Variants in LCLAT1 observed in about 807,000 individuals in gnomAD.
The protein encoded by LCLAT1 is 1-AGP acyltransferase 8.
LCLAT1 carries 11 observed loss-of-function variants against 30.7 expected under a neutral mutation model. The ratio of observed to expected loss-of-function variants is 0.36; its 90% CI spans 0.23 to 0.59. LCLAT1 has a LOEUF of 0.59. LCLAT1 is among the 20% of genes least tolerant of loss of function. The probability of loss-of-function intolerance (pLI) is 0.77; values close to 1 mark genes in which losing one functional copy is unlikely to be tolerated. For missense variants in LCLAT1, 402 were observed against 458.6 expected (o/e 0.88, Z 1.13); for synonymous variants, 155 against 151.3 (o/e 1.02, Z -0.18).
At chr2:30,485,215 G>A (rs1283910976) in intron 1 of LCLAT1, among the ~76,000 whole-genome samples, 1 of 152,054 alleles carries the variant, frequency 6.6e-6, no homozygotes, top group Non-Finnish European at 1.5e-5. Context: ...ATGCATGGTT[G>A]GCTTCATTTG....
chr2:30,461,761 TA>T (rs1440519092), intron 1 of LCLAT1, among the ~76,000 whole-genome samples: 1 of 146,382 alleles, frequency 6.8e-6, no homozygotes, highest in African/African-American at 2.5e-5. Context: ...CCACTTTTTC[TA>T]AATTAAACTT....
rs901557904 is a variant in LCLAT1, at chr2:30,642,740, T to C, written c.*2121T>C. 6.7e-6 allele frequency: 1 copy of C among 149,444 alleles called. No individual in the cohort carries two copies. The highest frequency in any genetic ancestry group is 2.5e-5 in the African/African-American group (1 of 40,310). 9.3% of individuals were successfully genotyped at this position (149,444 alleles called of 1,614,324 possible). ...GTTCCTTTTCATCATAGAAAACATG[T>C]TTAAGATAAAATACAAACTTTACCT... On this transcript the variant is annotated 3_prime_UTR_variant, in exon 6 of 6. Coordinates refer to ENST00000379509, the MANE Select transcript of LCLAT1 (RefSeq NM_001002257.3).
chr2:30,612,989 A>G lies in LCLAT1; in HGVS notation c.629-27128A>G, dbSNP rs144722704. Among the ~76,000 whole-genome samples the G allele has an allele frequency of 1.6e-3, 247 of 152,290 alleles. 1 individual carries two copies. The highest frequency in any genetic ancestry group is 5.6e-3 in the African/African-American group (231 of 41,558). ...GCTTACAGAGAAAATAAATCAAGGA[A>G]GAGGGAAGACTGAAGTAGGGTAGTC... On this transcript the variant is annotated intron_variant, in intron 5 of 5. Transcript: ENST00000379509.
intron 1 of LCLAT1, among the ~76,000 whole-genome samples, chr2:30,491,327 C>T (rs576741348): frequency 9.9e-5 from 15 of 152,194 alleles, no homozygotes; most frequent in Non-Finnish European, 1.9e-4. Flanking sequence ...CATATACCAG[C>T]CACTCTTCTA....
rs192632441 is a variant in LCLAT1 at position 30,604,604 on chromosome 2, G to A, written c.629-35513G>A. ...GCCATTAAAAAAATGTAAAAATCCAGTGAGCCGAGATCGTGCCACTGCACT... is the reference window on the plus strand; with the variant it reads ...GCCATTAAAAAAATGTAAAAATCCAATGAGCCGAGATCGTGCCACTGCACT... On this transcript the variant is annotated intron_variant, in intron 5 of 5. Coordinates refer to ENST00000379509, the MANE Select transcript of LCLAT1 (RefSeq NM_001002257.3). 4.3e-4 allele frequency among the ~76,000 whole-genome samples: 63 copies of A among 145,956 alleles called. 1 individual carries two copies. In the South Asian group the frequency reaches 5.2e-3, roughly 12 times the overall value.
chr2:30,628,115 CTAAAAACAGAAA>C (rs1668603478), intron 5 of LCLAT1, among the ~76,000 whole-genome samples: 1 of 151,986 alleles, frequency 6.6e-6, no homozygotes, highest in South Asian at 2.1e-4. Context: ...CAGTGATTAC[CTAAAAACAGAAA>C]TAGAAACACA....
intron 5 of LCLAT1, among the ~76,000 whole-genome samples, chr2:30,592,579 A>G (rs1226592945): frequency 3.3e-5 from 5 of 152,232 alleles, no homozygotes; most frequent in African/African-American, 1.2e-4. Flanking sequence ...CTGAACTGAG[A>G]TATCATATAA....
chr2:30,612,986 G>T (rs959370215), intron 5 of LCLAT1, among the ~76,000 whole-genome samples: 1 of 152,206 alleles, frequency 6.6e-6, no homozygotes, highest in African/African-American at 2.4e-5. Flanking sequence ...AATAAATCAA[G>T]GAAGAGGGAA....
At chr2:30,615,478 C>T (rs4952000) in intron 5 of LCLAT1, among the ~76,000 whole-genome samples, 19,794 of 152,102 alleles carry the variant, frequency 0.13, 1,397 homozygotes, top group South Asian at 0.23. Context: ...ATCCAAGCAA[C>T]TGGGACACAG....
chr2:30,483,568 G>A (rs1353990483), intron 1 of LCLAT1, among the ~76,000 whole-genome samples: 2 of 152,066 alleles, frequency 1.3e-5, no homozygotes, highest in East Asian at 1.9e-4. Context: ...CTGGCAAAGT[G>A]TCTGGCATAG....
intron 5 of LCLAT1, among the ~76,000 whole-genome samples, chr2:30,626,622 T>C (rs1162889082): frequency 6.6e-6 from 1 of 152,166 alleles, no homozygotes; most frequent in Non-Finnish European, 1.5e-5. Context: ...ATTTATTTTT[T>C]AGTTTTATTA....
At chr2:30,551,247 A>G (rs1051390304) in intron 3 of LCLAT1, among the ~76,000 whole-genome samples, 6 of 151,994 alleles carry the variant, frequency 3.9e-5, no homozygotes, top group African/African-American at 1.2e-4. Flanking sequence ...GCTCACGCCA[A>G]CCTCCTGCCT....
Position 30,521,489 on chromosome 2 carries a change from CTTCTTTTTTTTTTT to C in LCLAT1, c.-4-4095_-4-4082del, listed in dbSNP as rs1469897582. Among the ~76,000 whole-genome samples, 59 of 55,568 alleles carry C rather than the reference CTTCTTTTTTTTTTT, an allele frequency of 1.1e-3. 5 individuals are homozygous for C. The East Asian group carries it at 0.011, about 10-fold the overall frequency. The allele number at this position is 55,568 out of a possible 152,430, so 36.5% of individuals were successfully genotyped here. On this transcript the variant is annotated intron_variant, in intron 1 of 5. Transcript: ENST00000379509. ...GTTTCCTCAACCCCCTAAACTACTT[CTTCTTTTTTTTTTT>C]TTTTTTTTTTTTTTTTTTTTTTTGA...
At chr2:30,472,670 T>C (rs1682857560) in intron 1 of LCLAT1, among the ~76,000 whole-genome samples, 1 of 152,238 alleles carries the variant, frequency 6.6e-6, no homozygotes, top group African/African-American at 2.4e-5. Context: ...AAAATGTTTA[T>C]GGTAGGCCAG....
intron 3 of LCLAT1, among the ~76,000 whole-genome samples, chr2:30,557,460 C>A (rs942210003): frequency 1.3e-5 from 2 of 151,824 alleles, no homozygotes; most frequent in East Asian, 3.9e-4. Context: ...TGTCGCCCAG[C>A]CTGGAGTGCA....
rs1669431442 is a variant in LCLAT1 at position 30,643,724 on chromosome 2, G to C, written c.*3105G>C. 1 of 152,604 alleles carries C rather than the reference G, an allele frequency of 6.6e-6. No homozygotes were observed. 9.5% of individuals were successfully genotyped at this position (152,604 alleles called of 1,614,324 possible). On this transcript the variant is annotated 3_prime_UTR_variant, in exon 6 of 6. Coordinates refer to ENST00000379509, the MANE Select transcript of LCLAT1 (RefSeq NM_001002257.3). ...GGAGGGAGCCTGTTGGTGTTAAATTGTTTACATTTCTTTATACAAATAATG... is the reference window on the plus strand; with the variant it reads ...GGAGGGAGCCTGTTGGTGTTAAATTCTTTACATTTCTTTATACAAATAATG...
chr2:30,492,069 A>C (rs1482717566), intron 1 of LCLAT1, among the ~76,000 whole-genome samples: 1 of 152,212 alleles, frequency 6.6e-6, no homozygotes, highest in Non-Finnish European at 1.5e-5. Flanking sequence ...TTTAAGTACC[A>C]TCTTATTTAA....
intron 1 of LCLAT1, among the ~76,000 whole-genome samples, chr2:30,492,828 A>C (rs932876931): frequency 6.6e-6 from 1 of 152,174 alleles, no homozygotes; most frequent in African/African-American, 2.4e-5. Flanking sequence ...ATAACTTGAC[A>C]GTTGTTTATT....
At chr2:30,630,530 A>G (rs578019208) in intron 5 of LCLAT1, among the ~76,000 whole-genome samples, 56 of 152,360 alleles carry the variant, frequency 3.7e-4, no homozygotes, top group Admixed American at 3.5e-3. Flanking sequence ...ACCTTTTGTA[A>G]TAAGGGAAAT....
Sources: allele counts gnomAD v4.1 joint callset (sites outside exome capture counted in the v4.1 genomes callset), GRCh38; gene constraint gnomAD v4.1.1; transcripts MANE v1.5; gene names NCBI Gene and HGNC (gene_info 2026-07-23, HGNC 2026-07-21).